The following MTUS1 variants were observed in gnomAD, a reference collection of about 807,000 sequenced individuals.
MTUS1 encodes microtubule associated scaffold protein 1, also known as microtubule-associated tumor suppressor 1.
A neutral mutation model predicts 120.8 loss-of-function variants in MTUS1; 109 were observed. The ratio of observed to expected loss-of-function variants is 0.90; its 90% CI spans 0.77 to 1.06. MTUS1 has a LOEUF of 1.06. MTUS1 is among the 50% of genes least tolerant of loss of function. MTUS1 has a pLI of 0.00. For synonymous variants in MTUS1, 737 were observed against 550.5 expected, an observed-to-expected ratio of 1.34 and a Z score of -4.74; for missense variants, 2,210 against 1,486.3, an observed-to-expected ratio of 1.49 and a Z score of -8.01.
At chr8:17,763,122 C>A (rs1051318527) in intron 1 of MTUS1, among the ~76,000 whole-genome samples, 21 of 152,166 alleles carry the variant, frequency 1.4e-4, no homozygotes, top group African/African-American at 4.8e-4. Context: ...TCCTGAGTAG[C>A]TGGGATTACA....
At chr8:17,751,825 T>C (rs1586164040) in intron 2 of MTUS1, among the ~76,000 whole-genome samples, 1 of 127,786 alleles carries the variant, frequency 7.8e-6, no homozygotes, top group Admixed American at 1.0e-4. Context: ...GCCACTGCAC[T>C]CCAGCCTGGC....
At chr8:17,667,606 A>T (rs934427889) in intron 8 of MTUS1, among the ~76,000 whole-genome samples, 5 of 152,238 alleles carry the variant, frequency 3.3e-5, no homozygotes, top group African/African-American at 4.8e-5. Flanking sequence ...AATATTTCTT[A>T]AACTCTTGAT....
chr8:17,801,363 C>T (rs970463379), upstream of MTUS1: 1 of 151,860 alleles, frequency 6.6e-6, no homozygotes, highest in African/African-American at 2.4e-5. Context: ...CGGCTCCTTC[C>T]GAAGGCTCCA....
In MTUS1 at chr8:17,700,630, G is replaced by A. The variant is rs545831711; in HGVS notation, c.2623+12584C>T. ...CATGCCAGAATGTCACCAATGCTCT[G>A]GGAGGTAGAAGAGGGAGGATTTCTA... On this transcript the variant is annotated intron_variant, in intron 6 of 14. Coordinates refer to ENST00000693296, the MANE Select transcript of MTUS1 (RefSeq NM_001363059.2). Among the ~76,000 whole-genome samples, 78 of 152,106 alleles carry A rather than the reference G, an allele frequency of 5.1e-4. 1 individual carries two copies. The South Asian group carries it at 0.016, about 31-fold the overall frequency.
At chr8:17,762,675 C>T (rs1330889072) in intron 1 of MTUS1, among the ~76,000 whole-genome samples, 1 of 152,204 alleles carries the variant, frequency 6.6e-6, no homozygotes, top group African/African-American at 2.4e-5. Flanking sequence ...TGAAGTAATA[C>T]AAGTTATACC....
chr8:17,700,707 T>G (rs767981284), intron 6 of MTUS1, among the ~76,000 whole-genome samples: 1 of 151,776 alleles, frequency 6.6e-6, no homozygotes. Flanking sequence ...TTTTCAAAAA[T>G]CATGCAGCCA....
chr8:17,696,691 T>C (rs1257298456), intron 6 of MTUS1, among the ~76,000 whole-genome samples: 1 of 152,146 alleles, frequency 6.6e-6, no homozygotes, highest in Non-Finnish European at 1.5e-5. Flanking sequence ...AGGGGAAGTA[T>C]TTTGAGACTG....
chr8:17,800,186 C>G (rs552855274), intron 1 of MTUS1, among the ~76,000 whole-genome samples: 1 of 152,264 alleles, frequency 6.6e-6, no homozygotes, highest in Admixed American at 6.5e-5. Context: ...AATCCCCTCC[C>G]TCCTGCATTG....
chr8:17,766,895 G>C (rs551183075), intron 1 of MTUS1, among the ~76,000 whole-genome samples: 31 of 151,870 alleles, frequency 2.0e-4, no homozygotes, highest in African/African-American at 7.5e-4. Context: ...ATATTTTAAA[G>C]TATGATAGTG....
At chr8:17,710,129 G>A (rs534665205) in intron 6 of MTUS1, among the ~76,000 whole-genome samples, 1 of 152,334 alleles carries the variant, frequency 6.6e-6, no homozygotes, top group African/African-American at 2.4e-5. Context: ...GTTGGTGGCT[G>A]CTGACTGACT....
chr8:17,709,963 T>A (rs527730643), intron 6 of MTUS1, among the ~76,000 whole-genome samples: 10 of 150,730 alleles, frequency 6.6e-5, no homozygotes, highest in Admixed American at 2.7e-4. Context: ...GCAGAGATCA[T>A]GCCACTGCAC....
Position 17,749,675 on chromosome 8 carries a change from A to G in MTUS1, c.2091+4042T>C, listed in dbSNP as rs12682309. ...AATCTGTCTCAAAAAAAAAAAAAAA[A>G]AAAGAAAGAAAAAGAAAGAAAATCT... On this transcript the variant is annotated intron_variant, in intron 2 of 14. Coordinates refer to ENST00000693296, the MANE Select transcript of MTUS1 (RefSeq NM_001363059.2). 6.3e-3 allele frequency among the ~76,000 whole-genome samples: 947 copies of G among 150,746 alleles called. 6 individuals carry two copies. Among genetic ancestry groups the G allele is most frequent in the African/African-American group, 0.02 (835 of 41,280 alleles).
At chr8:17,783,064 G>C (rs2051009170) in intron 1 of MTUS1, among the ~76,000 whole-genome samples, 1 of 151,178 alleles carries the variant, frequency 6.6e-6, no homozygotes. Flanking sequence ...GGCGAAGAGA[G>C]TGAAATTCTG....
chr8:17,749,407 C>G (rs1424705419), intron 2 of MTUS1, among the ~76,000 whole-genome samples: 1 of 151,900 alleles, frequency 6.6e-6, no homozygotes, highest in Non-Finnish European at 1.5e-5. Flanking sequence ...ACCTGTAATC[C>G]CAGCACTTTG....
At chr8:17,757,581 C>T (rs60620036) in intron 1 of MTUS1, among the ~76,000 whole-genome samples, 6,401 of 152,252 alleles carry the variant, frequency 0.042, 188 homozygotes, top group African/African-American at 0.092. Flanking sequence ...GGCTGGAGTG[C>T]AGTGATGCAA....
rs2049941886 is a variant in MTUS1 at position 17,770,472 on chromosome 8, C to G, written c.-154-14511G>C. 1.3e-5 allele frequency: 2 copies of G among 152,184 alleles called. 1 individual carries two copies. The highest frequency in any genetic ancestry group is 4.1e-4 in the South Asian group (2 of 4,824). The allele number at this position is 152,184 out of a possible 1,614,324, so 9.4% of individuals were successfully genotyped here. ...CAAAACCAACTGCTATCAACTTAAG[C>G]AAGAGATGTCTTATTCGAGTTATCT... On this transcript the variant is annotated intron_variant, in intron 1 of 14. Coordinates refer to ENST00000693296, the MANE Select transcript of MTUS1 (RefSeq NM_001363059.2).
chr8:17,649,767 A>C, intron 13 of MTUS1, 79 bp downstream of exon 13: 2 of 778,382 alleles, frequency 2.6e-6, no homozygotes, highest in Non-Finnish European at 4.5e-6. Context: ...ACCCAACTCC[A>C]CAGTTCTAAA....
chr8:17,759,450 G>A (rs1290080310), intron 1 of MTUS1, among the ~76,000 whole-genome samples: 2 of 151,040 alleles, frequency 1.3e-5, no homozygotes, highest in African/African-American at 4.9e-5. Flanking sequence ...AAAACTTTTT[G>A]TAGAAAAGGG....
chr8:17,668,191 C>T (rs1161164202), intron 8 of MTUS1, among the ~76,000 whole-genome samples: 3 of 151,786 alleles, frequency 2.0e-5, no homozygotes, highest in Non-Finnish European at 4.4e-5. Context: ...AATTTGTAAA[C>T]TTTCTTAGAA....
Sources: gnomAD v4.1 joint callset for allele counts (sites outside exome capture counted in the v4.1 genomes callset) on GRCh38, gnomAD v4.1.1 for gene constraint, MANE v1.5 for transcripts, NCBI Gene and HGNC (gene_info 2026-07-23, HGNC 2026-07-21) for gene names.